ARHGAP29: variants seen among roughly 807,000 people sequenced by gnomAD.
ARHGAP29 encodes the protein rho GTPase-activating protein 29.
In ARHGAP29, 43 loss-of-function variants were observed where a neutral mutation model predicts 122.6. That is an observed-to-expected ratio of 0.35 (90% CI 0.27 to 0.45). The LOEUF is 0.45. Among genes scored for constraint, ARHGAP29 ranks in the 20% least tolerant of loss-of-function variants. The pLI, the probability that ARHGAP29 is intolerant of heterozygous loss-of-function variation, is 1.00. For missense variants in ARHGAP29, 1,303 were observed against 1,477.2 expected (o/e 0.88, Z 1.93); for synonymous variants, 506 against 497.1 (o/e 1.02, Z -0.24).
intron 1 of ARHGAP29, among the ~76,000 whole-genome samples, chr1:94,273,125 A>G (rs539467620): frequency 4.6e-5 from 7 of 152,324 alleles, no homozygotes; most frequent in South Asian, 4.1e-4. Context: ...TAAAGGATTG[A>G]AAGTGGGGGT....
At chr1:94,187,439 G>A (rs1384280846) in intron 15 of ARHGAP29, among the ~76,000 whole-genome samples, 2 of 152,272 alleles carry the variant, frequency 1.3e-5, no homozygotes, top group East Asian at 3.9e-4. Flanking sequence ...TCACAAGGTT[G>A]TATTACTCCA....
the ARHGAP29 span, among the ~76,000 whole-genome samples, chr1:94,306,729 T>TC: frequency 6.6e-6 from 1 of 152,186 alleles, no homozygotes; most frequent in Admixed American, 6.5e-5. Flanking sequence ...ATTTCCAGAT[T>TC]CCCCTGGGAA....
the ARHGAP29 span, among the ~76,000 whole-genome samples, chr1:94,310,464 T>C: frequency 6.6e-6 from 1 of 152,168 alleles, no homozygotes; most frequent in Non-Finnish European, 1.5e-5. Flanking sequence ...ACAAATATAC[T>C]GGAAACATTT....
rs570687404 is a variant in ARHGAP29, at chr1:94,171,540, A to C, written c.*2329T>G. On this transcript the variant is annotated 3_prime_UTR_variant, in exon 23 of 23. Coordinates refer to ENST00000260526, the MANE Select transcript of ARHGAP29 (RefSeq NM_004815.4). ...GTCACGTATCTTTCCATGTTGCAAA[A>C]AACAACTTCTGGATAAATGATTTCC... Among the ~76,000 whole-genome samples the C allele has an allele frequency of 2.0e-5, 3 of 152,260 alleles. No homozygotes were observed. Among genetic ancestry groups the C allele is most frequent in the African/African-American group, 7.2e-5 (3 of 41,558 alleles).
At chr1:94,212,641 T>C (rs1651712346) in intron 3 of ARHGAP29, among the ~76,000 whole-genome samples, 1 of 152,190 alleles carries the variant, frequency 6.6e-6, no homozygotes, top group African/African-American at 2.4e-5. Flanking sequence ...GTAACAACTG[T>C]TGAGTAGTGA....
chr1:94,239,300 A>C (rs1653483013), upstream of ARHGAP29, among the ~76,000 whole-genome samples: 1 of 152,160 alleles, frequency 6.6e-6, no homozygotes, highest in African/African-American at 2.4e-5. Flanking sequence ...CCTCAACCTC[A>C]AACACCCTCT....
At chr1:94,181,142 G>C (rs899972787) in intron 19 of ARHGAP29, among the ~76,000 whole-genome samples, 1 of 152,182 alleles carries the variant, frequency 6.6e-6, no homozygotes, top group Non-Finnish European at 1.5e-5. Context: ...AAGAGCAAAT[G>C]AACAAGTACT....
chr1:94,258,031 T>C (rs1654426481), intron 1 of ARHGAP29, among the ~76,000 whole-genome samples: 1 of 152,142 alleles, frequency 6.6e-6, no homozygotes. Flanking sequence ...AAGTATTAGG[T>C]ATGATATGAC....
intron 1 of ARHGAP29, among the ~76,000 whole-genome samples, chr1:94,250,164 G>A (rs999641474): frequency 7.9e-5 from 12 of 152,176 alleles, no homozygotes; most frequent in Admixed American, 5.2e-4. Context: ...TGTGGGTGGT[G>A]GAGGTGGGAG....
At chr1:94,275,878 A>G (rs1655168172), upstream of ARHGAP29, among the ~76,000 whole-genome samples, 1 of 152,150 alleles carries the variant, frequency 6.6e-6, no homozygotes, top group Admixed American at 6.6e-5. Flanking sequence ...CCAAAGACCT[A>G]GAATTCTCAG....
chr1:94,204,557 C>T (rs549087992), intron 7 of ARHGAP29, among the ~76,000 whole-genome samples: 1 of 152,248 alleles, frequency 6.6e-6, no homozygotes, highest in Non-Finnish European at 1.5e-5. Context: ...TGCTATATGA[C>T]CTTAAGAAAT....
the ARHGAP29 span, chr1:94,302,220 G>T: frequency 3.9e-6 from 1 of 258,622 alleles, no homozygotes; most frequent in Non-Finnish European, 7.7e-6. Context: ...GCACCATCAA[G>T]GCTGAAAATG....
At position 94,237,455 on chromosome 1, in the gene ARHGAP29, C is replaced by G. The variant is rs1186161167; in HGVS notation, c.-73G>C. The G allele has an allele frequency of 1.0e-6, 1 of 987,550 alleles. No homozygotes were observed. The highest frequency in any genetic ancestry group is 1.2e-6 in the Non-Finnish European group (1 of 831,138). 61.2% of individuals were successfully genotyped at this position (987,550 alleles called of 1,614,324 possible). A position where few individuals can be genotyped will look rare whatever the true frequency, so the allele number is the denominator to read the frequency against. Reference sequence around the variant, plus strand: ...CGCGTGCCGGACGCGGACGCCCGCCCCACACCTACGGCCGCCGCCACCGCC... The same window carrying G: ...CGCGTGCCGGACGCGGACGCCCGCCGCACACCTACGGCCGCCGCCACCGCC... On this transcript the variant is annotated 5_prime_UTR_variant, in exon 1 of 23. Coordinates refer to ENST00000260526, the MANE Select transcript of ARHGAP29 (RefSeq NM_004815.4).
chr1:94,239,498 G>C (rs1172563347), upstream of ARHGAP29, among the ~76,000 whole-genome samples: 1 of 151,908 alleles, frequency 6.6e-6, no homozygotes. Context: ...ACAAGGAGGA[G>C]AGAAAAGCAG....
intron 1 of ARHGAP29, among the ~76,000 whole-genome samples, chr1:94,256,263 C>T (rs200148876): frequency 6.6e-6 from 1 of 151,670 alleles, no homozygotes; most frequent in African/African-American, 2.4e-5. Flanking sequence ...CAAGGAATGA[C>T]TTTCTGTATT....
intron 3 of ARHGAP29, among the ~76,000 whole-genome samples, chr1:94,212,329 G>GAC (rs1651684402): frequency 6.6e-6 from 1 of 152,032 alleles, no homozygotes; most frequent in African/African-American, 2.4e-5. Flanking sequence ...TGAAAGGGGG[G>GAC]ACCAAGAGAT....
In ARHGAP29 at chr1:94,237,573, A is replaced by G. The variant is rs1653370082; in HGVS notation, c.-191T>C. The G allele has an allele frequency of 1.0e-6, 1 of 990,812 alleles. No individual in the cohort carries two copies. The highest frequency in any genetic ancestry group is 1.2e-6 in the Non-Finnish European group (1 of 834,104). The allele number at this position is 990,812 out of a possible 1,614,324, so 61.4% of individuals were successfully genotyped here. On this transcript the variant is annotated 5_prime_UTR_variant, in exon 1 of 23. Coordinates refer to ENST00000260526, the MANE Select transcript of ARHGAP29 (RefSeq NM_004815.4). ...CGCAGCCGCAGCCACAGCCACAGGC[A>G]CCACCACCACTGCAGCCGCCACCGC...
At chr1:94,279,017 T>C (rs928220195), upstream of ARHGAP29, among the ~76,000 whole-genome samples, 2 of 152,242 alleles carry the variant, frequency 1.3e-5, no homozygotes, top group African/African-American at 4.8e-5. Flanking sequence ...TTTACCCTTG[T>C]GAGGAATCAA....
intron 12 of ARHGAP29, among the ~76,000 whole-genome samples, chr1:94,196,483 G>A (rs1390944387): frequency 1.3e-5 from 2 of 151,318 alleles, no homozygotes; most frequent in Non-Finnish European, 3.0e-5. Flanking sequence ...GGATGGTCTC[G>A]ATCTCCTGAC....
Sources: allele counts gnomAD v4.1 joint callset (sites outside exome capture counted in the v4.1 genomes callset), GRCh38; gene constraint gnomAD v4.1.1; transcripts MANE v1.5; gene names NCBI Gene and HGNC (gene_info 2026-07-23, HGNC 2026-07-21).